The following ARHGEF3 variants were observed in gnomAD, a reference collection of about 807,000 sequenced individuals.
The protein encoded by ARHGEF3 is 59.8 kDA protein.
ARHGEF3 carries 28 observed loss-of-function variants against 63.2 expected under a neutral mutation model. The observed-to-expected ratio is 0.44, with a 90% CI of 0.33 to 0.61. ARHGEF3 has a LOEUF of 0.61. Ranked by LOEUF, ARHGEF3 falls within the 20% of genes least tolerant of loss-of-function variation. ARHGEF3 has a pLI of 0.03. For missense variants in ARHGEF3, 533 were observed against 659.3 expected (o/e 0.81, Z 2.10); for synonymous variants, 266 against 254.2 (o/e 1.05, Z -0.44).
chr3:57,010,174 G>A (rs934068975), intron 2 of ARHGEF3, among the ~76,000 whole-genome samples: 1 of 152,142 alleles, frequency 6.6e-6, no homozygotes, highest in Non-Finnish European at 1.5e-5. Flanking sequence ...ACCACAGTGG[G>A]CCGGGCGTGG....
intron 2 of ARHGEF3, 65 bp from the exon 3 acceptor site, chr3:56,755,216 T>C: frequency 6.6e-7 from 1 of 1,524,426 alleles, no homozygotes; most frequent in Non-Finnish European, 8.9e-7. Context: ...CTTTGAGCAG[T>C]TTCCTGTCGT....
At chr3:57,012,063 C>T (rs913801637) in intron 2 of ARHGEF3, among the ~76,000 whole-genome samples, 1 of 152,102 alleles carries the variant, frequency 6.6e-6, no homozygotes, top group Non-Finnish European at 1.5e-5. Flanking sequence ...CTGCTCCCAA[C>T]GAGCTGTGCC....
chr3:57,048,324 C>T (rs12485550), intron 1 of ARHGEF3, among the ~76,000 whole-genome samples: 87,118 of 152,006 alleles, frequency 0.57, 25,828 homozygotes, highest in Middle Eastern at 0.65. Context: ...TTCCATTCTG[C>T]CAGCTGCTGA....
chr3:56,922,366 A>G (rs2042165342), intron 3 of ARHGEF3, among the ~76,000 whole-genome samples: 1 of 152,160 alleles, frequency 6.6e-6, no homozygotes, highest in African/African-American at 2.4e-5. Context: ...GGAAGAAAAA[A>G]AAGTTTAAAA....
At chr3:56,909,132 T>A (rs1033271077) in intron 3 of ARHGEF3, among the ~76,000 whole-genome samples, 4 of 152,080 alleles carry the variant, frequency 2.6e-5, no homozygotes, top group African/African-American at 9.7e-5. Context: ...GAAGGGAGAA[T>A]GGATGGAGTG....
intron 8 of ARHGEF3, among the ~76,000 whole-genome samples, chr3:56,733,108 C>G (rs1160134892): frequency 6.6e-6 from 1 of 151,682 alleles, no homozygotes; most frequent in Non-Finnish European, 1.5e-5. Context: ...ACAGTGAAAC[C>G]CTGTCTCTAC....
At chr3:57,001,392 T>G (rs1054115229) in intron 2 of ARHGEF3, among the ~76,000 whole-genome samples, 1 of 152,130 alleles carries the variant, frequency 6.6e-6, no homozygotes, top group African/African-American at 2.4e-5. Flanking sequence ...GTGTTCAGAG[T>G]TTTTTGCCAT....
chr3:56,781,805 T>G (rs910696386), intron 1 of ARHGEF3, among the ~76,000 whole-genome samples: 5 of 152,206 alleles, frequency 3.3e-5, no homozygotes, highest in Non-Finnish European at 7.3e-5. Flanking sequence ...GTGGCCTTAA[T>G]TGAAGTATAC....
At chr3:57,047,372 C>G (rs1271328691) in intron 1 of ARHGEF3, among the ~76,000 whole-genome samples, 3 of 144,090 alleles carry the variant, frequency 2.1e-5, no homozygotes, top group African/African-American at 7.7e-5. Flanking sequence ...AAAACAAAAA[C>G]AAACAAAAAA....
intron 2 of ARHGEF3, among the ~76,000 whole-genome samples, chr3:57,016,274 C>T (rs148373990): frequency 6.3e-4 from 96 of 151,556 alleles, no homozygotes; most frequent in African/African-American, 2.1e-3. Context: ...ATGACAAAAA[C>T]GGCCAGGCGC....
At chr3:56,757,717 T>A (rs949584454) in intron 2 of ARHGEF3, among the ~76,000 whole-genome samples, 113 of 151,768 alleles carry the variant, frequency 7.4e-4, no homozygotes, top group Non-Finnish European at 3.5e-4. Context: ...CCTTTATATA[T>A]TTTTAGCCTT....
chr3:56,847,694 C>T (rs778305037), intron 4 of ARHGEF3, among the ~76,000 whole-genome samples: 2 of 152,172 alleles, frequency 1.3e-5, no homozygotes, highest in Admixed American at 1.3e-4. Flanking sequence ...TCTCCTGCCT[C>T]GGCCTCCCGA....
chr3:56,754,228 G>A (rs2034933910), intron 3 of ARHGEF3, among the ~76,000 whole-genome samples: 1 of 152,166 alleles, frequency 6.6e-6, no homozygotes, highest in African/African-American at 2.4e-5. Flanking sequence ...AAGCCATCAT[G>A]CTAAAGAGCT....
chr3:56,900,278 T>C (rs2041461543), intron 3 of ARHGEF3, among the ~76,000 whole-genome samples: 1 of 152,202 alleles, frequency 6.6e-6, no homozygotes. Flanking sequence ...CCCTCTATAC[T>C]GGAACCATCT....
intron 4 of ARHGEF3, among the ~76,000 whole-genome samples, chr3:56,845,408 A>G (rs2039454950): frequency 6.6e-6 from 1 of 152,202 alleles, no homozygotes; most frequent in African/African-American, 2.4e-5. Context: ...GGGAGAAATC[A>G]TATACAGCCT....
intron 7 of ARHGEF3, among the ~76,000 whole-genome samples, chr3:56,743,209 G>A (rs2034155095): frequency 6.6e-6 from 1 of 152,202 alleles, no homozygotes; most frequent in Non-Finnish European, 1.5e-5. Flanking sequence ...CTCTGTGTTG[G>A]GCCTGCCAGA....
intron 4 of ARHGEF3, among the ~76,000 whole-genome samples, chr3:56,864,433 C>T (rs146246614): frequency 6.6e-6 from 1 of 152,354 alleles, no homozygotes; most frequent in African/African-American, 2.4e-5. Flanking sequence ...CCAGAAAAGG[C>T]TTCCTTGGCC....
chr3:57,031,563 C>T (rs1703736141), intron 2 of ARHGEF3, among the ~76,000 whole-genome samples: 1 of 152,182 alleles, frequency 6.6e-6, no homozygotes, highest in Non-Finnish European at 1.5e-5. Flanking sequence ...ACTACCTCTC[C>T]CCCACAGATG....
At chr3:56,802,049 GC>G, upstream of ARHGEF3, 4 of 1,341,768 alleles carry the variant, frequency 3.0e-6, no homozygotes, top group Non-Finnish European at 3.8e-6. Flanking sequence ...TGCCGGGAGG[GC>G]CCACGTGCCG....
Sources: allele counts gnomAD v4.1 joint callset (sites outside exome capture counted in the v4.1 genomes callset), GRCh38; gene constraint gnomAD v4.1.1; transcripts MANE v1.5; gene names NCBI Gene and HGNC (gene_info 2026-07-23, HGNC 2026-07-21).